FAM217B: variants seen among roughly 807,000 people sequenced by gnomAD.
FAM217B encodes the protein family with sequence similarity 217 member B, also known as protein FAM217B.
For missense variants in FAM217B, 463 were observed against 456.9 expected (o/e 1.01, Z -0.12); for synonymous variants, 163 against 173.0 (o/e 0.94, Z 0.45).
Position 59,946,916 on chromosome 20 carries a change from A to C in FAM217B, c.*1821A>C, listed in dbSNP as rs868299053. ...CTGCCCTTTTTTGTGAGCACAGATT[A>C]GTCTGTTATCCATGGCTGGCACTTC... On this transcript the variant is annotated 3_prime_UTR_variant, in exon 4 of 4. Transcript: ENST00000360816. 3 of 167,110 alleles carry C rather than the reference A, an allele frequency of 1.8e-5. No homozygotes were observed. Among genetic ancestry groups the C allele is most frequent in the African/African-American group, 7.2e-5 (3 of 41,452 alleles). The allele number at this position is 167,110 out of a possible 1,614,324, so 10.4% of individuals were successfully genotyped here.
At position 59,944,523 on chromosome 20, in the gene FAM217B, C is replaced by T; in HGVS notation, c.580C>T (p.Gln194Ter). 6.2e-7 allele frequency: 1 copy of T among 1,613,936 alleles called. No individual in the cohort carries two copies. Among genetic ancestry groups the T allele is most frequent in the African/African-American group, 1.3e-5 (1 of 74,944 alleles). ...RLIQLEWLQV[Q>*]TVQCEKAKGG... is the part of the protein sequence containing the mutation. ...TATTCAGCTTGAGTGGCTGCAAGTC[C>T]AGACTGTACAGTGTGAAAAAGCAAA... The change falls in exon 4 of 4, where the codon CAG (glutamine) becomes TAG (stop). Residue 194 changes from glutamine to a stop codon, truncating the protein, a stop_gained. Coordinates refer to ENST00000360816, the MANE Select transcript of FAM217B (RefSeq NM_022106.3). LOFTEE classifies it low-confidence loss of function (END_TRUNC).
Position 59,942,285 on chromosome 20 carries a change from G to C in FAM217B, c.-115G>C, listed in dbSNP as rs1169356416. 1.3e-5 allele frequency: 2 copies of C among 152,630 alleles called. No individual in the cohort carries two copies. Among genetic ancestry groups the C allele is most frequent in the Admixed American group, 1.3e-4 (2 of 15,270 alleles). 9.5% of individuals were successfully genotyped at this position (152,630 alleles called of 1,614,324 possible). A position where few individuals can be genotyped will look rare whatever the true frequency, so the allele number is the denominator to read the frequency against. On this transcript the variant is annotated 5_prime_UTR_variant, in exon 2 of 4. Transcript: ENST00000360816. The stretch of plus-strand genomic sequence containing the variant: ...CATCATCTTCCAGCAGATTGAGCAA[G>C]AATATTTTGAGCACTACAGGAAAGG...
chr20:59,939,513 T>C, upstream of FAM217B: 1 of 1,611,968 alleles, frequency 6.2e-7, no homozygotes, highest in Non-Finnish European at 8.5e-7. Context: ...GCAGCACAGG[T>C]CCGAGTTGAT....
chr20:59,939,299 C>A, upstream of FAM217B: 2 of 1,612,270 alleles, frequency 1.2e-6, no homozygotes, highest in South Asian at 1.1e-5. Context: ...TGCGCCAGCC[C>A]GAGAAAGTGT....
rs377074437 is a variant in FAM217B, at chr20:59,944,914, G to T, written c.971G>T (p.Arg324Leu). ...SSKVETSGHI[R>L]VPKQAAVILD... ...AAGGTGGAAACCAGCGGTCACATTC[G>T]AGTTCCCAAACAGGCAGCTGTGATT... The change falls in exon 4 of 4, where the codon CGA becomes CTA. Residue 324 changes from arginine to leucine, a missense_variant. By Grantham distance (102) the Arg-to-Leu change is moderately radical. Coordinates refer to ENST00000360816, the MANE Select transcript of FAM217B (RefSeq NM_022106.3). 3 of 1,614,160 alleles carry T rather than the reference G, an allele frequency of 1.9e-6. No individual in the cohort carries two copies. Among genetic ancestry groups the T allele is most frequent in the South Asian group, 2.2e-5 (2 of 91,080 alleles).
intron 3 of FAM217B, among the ~76,000 whole-genome samples, chr20:59,943,532 T>C (rs1197832769): frequency 1.3e-5 from 2 of 152,232 alleles, no homozygotes; most frequent in African/African-American, 4.8e-5. Context: ...TAAAACTGTT[T>C]TTACTTCTGA....
upstream of FAM217B, chr20:59,939,632 C>T (rs756336001): frequency 1.3e-6 from 2 of 1,576,644 alleles, no homozygotes; most frequent in South Asian, 2.3e-5. Context: ...GCACGCGGAG[C>T]TTCTGGCTGC....
chr20:59,941,829 T>C (rs1836933047), intron 1 of FAM217B, among the ~76,000 whole-genome samples: 1 of 152,216 alleles, frequency 6.6e-6, no homozygotes, highest in Admixed American at 6.5e-5. Flanking sequence ...GATTGAACGC[T>C]GTAATAAGAC....
chr20:59,945,446 C>T lies in FAM217B; in HGVS notation c.*351C>T. On this transcript the variant is annotated 3_prime_UTR_variant, in exon 4 of 4. Coordinates refer to ENST00000360816, the MANE Select transcript of FAM217B (RefSeq NM_022106.3). ...TGTGTAGAGCAGCTAGTGGTGTTAC[C>T]TCCCCATTTTCACATGCACGTAAGT... 5.0e-6 allele frequency: 1 copy of T among 201,778 alleles called. No individual in the cohort carries two copies. The highest frequency in any genetic ancestry group is 1.1e-5 in the Non-Finnish European group (1 of 89,078). The allele number at this position is 201,778 out of a possible 1,614,324, so 12.5% of individuals were successfully genotyped here.
At chr20:59,942,831 A>G (rs2060912721) in intron 3 of FAM217B, among the ~76,000 whole-genome samples, 1 of 152,226 alleles carries the variant, frequency 6.6e-6, no homozygotes, top group Non-Finnish European at 1.5e-5. Context: ...ACAGGCAGGA[A>G]CAAAATGTTT....
rs1441604594 is a variant in FAM217B, at chr20:59,944,360, A to G, written c.417A>G (p.Glu139=). Residue 139 remains glutamate, a synonymous_variant, in exon 4 of 4, where the codon GAA becomes GAG. Transcript: ENST00000360816. Reference sequence around the variant, plus strand: ...CTGGTCAGGGCCATACAAAACCTGAATACTATTATCCTAATTTCCTTCCAT... The same window carrying G: ...CTGGTCAGGGCCATACAAAACCTGAGTACTATTATCCTAATTTCCTTCCAT... The part of the protein sequence containing the change: ...LHPGQGHTKP[E]YYYPNFLPSP... 2 of 1,614,116 alleles carry G rather than the reference A, an allele frequency of 1.2e-6. No individual in the cohort carries two copies. The highest frequency in any genetic ancestry group is 2.7e-5 in the African/African-American group (2 of 75,010).
At chr20:59,943,918 T>C (rs1322489027) in intron 3 of FAM217B, 22 bp from the exon 4 acceptor site, 3 of 1,547,958 alleles carry the variant, frequency 1.9e-6, no homozygotes, top group Admixed American at 2.1e-5. Context: ...GTGGTAAGAA[T>C]TGCAGTTTTA....
At chr20:59,939,201 G>A (rs1244622709), upstream of FAM217B, 1 of 1,609,882 alleles carries the variant, frequency 6.2e-7, no homozygotes, top group East Asian at 2.2e-5. Flanking sequence ...CAGCAGGAAG[G>A]GCGGTACTGG....
intron 1 of FAM217B, among the ~76,000 whole-genome samples, chr20:59,934,444 T>C (rs1473096613): frequency 6.6e-6 from 1 of 152,014 alleles, no homozygotes; most frequent in Non-Finnish European, 1.5e-5. Flanking sequence ...GTCTTCTGCG[T>C]GTTTTCCCCG....
chr20:59,940,808 C>A (rs1216536893), intron 1 of FAM217B, among the ~76,000 whole-genome samples: 4 of 152,200 alleles, frequency 2.6e-5, no homozygotes, highest in Non-Finnish European at 5.9e-5. Context: ...GGAGCAGCGT[C>A]ATGTCCACAT....
At chr20:59,937,240 T>G (rs934312741), upstream of FAM217B, 3 of 152,668 alleles carry the variant, frequency 2.0e-5, no homozygotes, top group Non-Finnish European at 4.4e-5. Context: ...CTCTCTGTTT[T>G]GGGGCCAGGG....
chr20:59,941,374 G>T (rs898138751), intron 1 of FAM217B, among the ~76,000 whole-genome samples: 2 of 152,186 alleles, frequency 1.3e-5, no homozygotes, highest in African/African-American at 4.8e-5. Context: ...GTGAGAGAAT[G>T]ATTTTATTTA....
rs769742580 is a variant in FAM217B at position 59,944,364 on chromosome 20, T to A, written c.421T>A (p.Tyr141Asn). 4.3e-6 allele frequency: 7 copies of A among 1,614,038 alleles called. No homozygotes were observed. Among genetic ancestry groups the A allele is most frequent in the Non-Finnish European group, 5.1e-6 (6 of 1,180,044 alleles). Residue 141 changes from tyrosine (Y) to asparagine (N), a missense_variant, in exon 4 of 4, where the codon TAT (tyrosine) becomes AAT (asparagine). Tyr to Asn is a moderately radical substitution (Grantham distance 143). Coordinates refer to ENST00000360816, the MANE Select transcript of FAM217B (RefSeq NM_022106.3). ...PGQGHTKPEY[Y>N]YPNFLPSPFS... ...TCAGGGCCATACAAAACCTGAATAC[T>A]ATTATCCTAATTTCCTTCCATCCCC... is the stretch of plus-strand genomic sequence containing the variant.
At chr20:59,940,115 C>T (rs999279155), upstream of FAM217B, 1 of 432,652 alleles carries the variant, frequency 2.3e-6, no homozygotes, top group Non-Finnish European at 4.1e-6. Flanking sequence ...TGTCCAGGTC[C>T]TCCGCTTCTT....
Sources: allele counts gnomAD v4.1 joint callset (sites outside exome capture counted in the v4.1 genomes callset), GRCh38; gene constraint gnomAD v4.1.1; transcripts MANE v1.5; gene names NCBI Gene and HGNC (gene_info 2026-07-23, HGNC 2026-07-21).